EPS8: variants seen among roughly 807,000 people sequenced by gnomAD.
EPS8 encodes the protein epidermal growth factor receptor kinase substrate 8.
In EPS8, 42 loss-of-function variants were observed where a neutral mutation model predicts 103.8. That is an observed-to-expected ratio of 0.40 (90% confidence interval 0.32 to 0.52). EPS8 has a LOEUF of 0.52. EPS8 is among the 20% of genes least tolerant of loss of function. The pLI, the probability that EPS8 is intolerant of heterozygous loss-of-function variation, is 0.40. For synonymous variants in EPS8, 344 were observed against 344.6 expected, an observed-to-expected ratio of 1.00 and a Z score of 0.02; for missense variants, 969 against 1,005.1, an observed-to-expected ratio of 0.96 and a Z score of 0.49.
chr12:15,653,075 T>C (rs1289901043), intron 13 of EPS8, among the ~76,000 whole-genome samples: 1 of 152,232 alleles, frequency 6.6e-6, no homozygotes, highest in Non-Finnish European at 1.5e-5. Context: ...TAATCTGTCT[T>C]CCATAATCAC....
chr12:15,784,937 G>A lies in EPS8; in HGVS notation c.-22+4224C>T, dbSNP rs1349669305. 2.0e-5 allele frequency among the ~76,000 whole-genome samples: 3 copies of A among 152,088 alleles called. No individual in the cohort carries two copies. The highest frequency in any genetic ancestry group is 2.9e-5 in the Non-Finnish European group (2 of 67,958). On this transcript the variant is annotated intron_variant, in intron 1 of 20. Coordinates refer to ENST00000281172, the MANE Select transcript of EPS8 (RefSeq NM_004447.6). The surrounding 1 kb of genome is among the most constrained non-coding windows in gnomAD (Gnocchi z 4.0). ...AAGTAAAGAGACAGTAAAAAGATAC[G>A]TGGTTTTCTGGGAGAGGGGCTCACA...
At chr12:15,744,049 T>G (rs1014051181) in intron 1 of EPS8, among the ~76,000 whole-genome samples, 7 of 152,060 alleles carry the variant, frequency 4.6e-5, no homozygotes, top group African/African-American at 1.7e-4. Context: ...TACAAAGAAC[T>G]TAAACAAATT....
intron 1 of EPS8, among the ~76,000 whole-genome samples, chr12:15,773,744 T>C (rs1029648500): frequency 6.6e-6 from 1 of 152,098 alleles, no homozygotes. Flanking sequence ...ATGAATCAAA[T>C]GCATATCATA....
At chr12:15,647,479 C>G (rs1485187582) in intron 14 of EPS8, among the ~76,000 whole-genome samples, 3 of 152,216 alleles carry the variant, frequency 2.0e-5, no homozygotes, top group Admixed American at 6.5e-5. Context: ...CTTGCTCTCT[C>G]TGTTCAAGAA....
At chr12:15,673,861 G>A (rs1945858726) in intron 3 of EPS8, among the ~76,000 whole-genome samples, 1 of 152,108 alleles carries the variant, frequency 6.6e-6, no homozygotes, top group African/African-American at 2.4e-5. Context: ...TTCTCGCTCA[G>A]AATCAATTAG....
chr12:15,625,748 G>A (rs556056440), intron 18 of EPS8, among the ~76,000 whole-genome samples: 3 of 152,124 alleles, frequency 2.0e-5, no homozygotes, highest in Non-Finnish European at 4.4e-5. Context: ...ATCCTCTTCT[G>A]AATATTCTCA....
rs1296069836 is a variant in EPS8, at chr12:15,752,534, G to T, written c.-22+36627C>A. ...CTAAGTTGAGCCTTTTAGCAGGAGT[G>T]AAATATTCCCAGCAATGGAATTAAA... On this transcript the variant is annotated intron_variant, in intron 1 of 20. Coordinates refer to ENST00000281172, the MANE Select transcript of EPS8 (RefSeq NM_004447.6). The surrounding 1 kb of genome is among the most constrained non-coding windows in gnomAD (Gnocchi z 4.4). Among the ~76,000 whole-genome samples the T allele has an allele frequency of 6.6e-6, 1 of 151,982 alleles. No individual in the cohort carries two copies. Among genetic ancestry groups the T allele is most frequent in the Non-Finnish European group, 1.5e-5 (1 of 68,000 alleles).
chr12:15,708,129 G>A (rs1251671726), intron 1 of EPS8, among the ~76,000 whole-genome samples: 2 of 152,174 alleles, frequency 1.3e-5, no homozygotes, highest in African/African-American at 2.4e-5. Context: ...ACAAGTGAAA[G>A]CTACTTATCT....
At chr12:15,658,299 T>C (rs1195413333) in intron 11 of EPS8, 146 bp from the exon 12 acceptor site, 9 of 676,618 alleles carry the variant, frequency 1.3e-5, no homozygotes, top group Non-Finnish European at 2.3e-5. Flanking sequence ...AGAATAGAAG[T>C]CATTGTTTTT....
rs965534056 is a variant in EPS8, at chr12:15,745,615, G to A, written c.-22+43546C>T. ...AAAAGAAATCACTTTTATTTTGTCAGGTGAGTGTAGCAATCATTGCTAGCA... is the reference window on the plus strand; with the variant it reads ...AAAAGAAATCACTTTTATTTTGTCAAGTGAGTGTAGCAATCATTGCTAGCA... On this transcript the variant is annotated intron_variant, in intron 1 of 20. Transcript: ENST00000281172. This position sits in a 1 kb window ranked among gnomAD's most constrained non-coding sequence, Gnocchi z 4.6. 1.3e-5 allele frequency among the ~76,000 whole-genome samples: 2 copies of A among 151,548 alleles called. No individual in the cohort carries two copies. The highest frequency in any genetic ancestry group is 2.9e-5 in the Non-Finnish European group (2 of 67,964).
chr12:15,665,520 G>A (rs942168225), intron 8 of EPS8: 4 of 446,958 alleles, frequency 8.9e-6, no homozygotes, highest in South Asian at 2.4e-5. Context: ...TAATAGAGAC[G>A]GGGTTTCATC....
chr12:15,624,584 A>T (rs1215212674), intron 18 of EPS8, among the ~76,000 whole-genome samples, 177 bp from the exon 19 acceptor site: 1 of 151,964 alleles, frequency 6.6e-6, no homozygotes, highest in African/African-American at 2.4e-5. Context: ...TATTAAAATA[A>T]CTCCCTGGCT....
rs1946601358 is a variant in EPS8 at position 15,721,989 on chromosome 12, G to T, written c.-21-39017C>A. ...GCATACATACTTTTTTTTTTCAAAG[G>T]GGGCTACTGTCTGTCTGGTTTTATA... On this transcript the variant is annotated intron_variant, in intron 1 of 20. Coordinates refer to ENST00000281172, the MANE Select transcript of EPS8 (RefSeq NM_004447.6). This position sits in a 1 kb window ranked among gnomAD's most constrained non-coding sequence, Gnocchi z 4.4. Among the ~76,000 whole-genome samples, 1 of 149,330 alleles carries T rather than the reference G, an allele frequency of 6.7e-6. No homozygotes were observed. The highest frequency in any genetic ancestry group is 2.5e-5 in the African/African-American group (1 of 40,640).
chr12:15,732,119 C>T (rs1946723226), intron 1 of EPS8, among the ~76,000 whole-genome samples: 1 of 152,078 alleles, frequency 6.6e-6, no homozygotes, highest in African/African-American at 2.4e-5. Context: ...ACCAATTAAC[C>T]CATTTTCATA....
At chr12:15,681,715 C>T (rs373451888) in intron 2 of EPS8, among the ~76,000 whole-genome samples, 2 of 114,674 alleles carry the variant, frequency 1.7e-5, no homozygotes, top group African/African-American at 7.0e-5. Context: ...GGTGACAGAG[C>T]GAGACTCTGT....
chr12:15,739,469 G>A (rs1565525238), intron 1 of EPS8, among the ~76,000 whole-genome samples: 2 of 152,118 alleles, frequency 1.3e-5, no homozygotes, highest in African/African-American at 2.4e-5. Context: ...AATGTGGATG[G>A]GCACCCATCC....
At chr12:15,662,514 C>T (rs1007591341) in intron 8 of EPS8, 4 of 988,512 alleles carry the variant, frequency 4.0e-6, no homozygotes, top group Non-Finnish European at 4.8e-6. Flanking sequence ...TTATACATTC[C>T]AACACTGTGA....
Position 15,771,865 on chromosome 12 carries a change from C to T in EPS8, c.-22+17296G>A, listed in dbSNP as rs1222514276. On this transcript the variant is annotated intron_variant, in intron 1 of 20. Coordinates refer to ENST00000281172, the MANE Select transcript of EPS8 (RefSeq NM_004447.6). This position sits in a 1 kb window ranked among gnomAD's most constrained non-coding sequence, Gnocchi z 4.6. ...GAAGGCCGGGGGCGGTGGCTCATGC[C>T]TGTAATCACAGCACTTTGGGAGGCC... Among the ~76,000 whole-genome samples, 1 of 152,134 alleles carries T rather than the reference C, an allele frequency of 6.6e-6. No homozygotes were observed. The highest frequency in any genetic ancestry group is 1.5e-5 in the Non-Finnish European group (1 of 68,022).
rs35142421 is a variant in EPS8, at chr12:15,663,976, T to TATATATATAC, written c.736+1779_736+1780insGTATATATAT. ...ATATATATATATATATATATATATATACACACACACATATATATATGGTTC... is the reference window on the plus strand; with the variant it reads ...ATATATATATATATATATATATATATATATATATACACACACACACATATATATATGGTTC... On this transcript the variant is annotated intron_variant, in intron 8 of 20. Coordinates refer to ENST00000281172, the MANE Select transcript of EPS8 (RefSeq NM_004447.6). Among the ~76,000 whole-genome samples the TATATATATAC allele has an allele frequency of 4.8e-5, 5 of 104,450 alleles. No homozygotes were observed. In the East Asian group the frequency reaches 1.5e-3, roughly 32 times the overall value. The allele number at this position is 104,450 out of a possible 152,430, so 68.5% of individuals were successfully genotyped here.
Sources: gnomAD v4.1 joint callset for allele counts (sites outside exome capture counted in the v4.1 genomes callset) on GRCh38, gnomAD v4.1.1 for gene constraint, Gnocchi (gnomAD v3.1) non-coding constraint, MANE v1.5 for transcripts, NCBI Gene and HGNC (gene_info 2026-07-23, HGNC 2026-07-21) for gene names.